Variants in CAMSAP3 observed in about 807,000 individuals in gnomAD.
The protein encoded by CAMSAP3 is calmodulin regulated spectrin associated protein family member 3.
CAMSAP3 carries 34 observed loss-of-function variants against 112.5 expected under a neutral mutation model. That is an observed-to-expected ratio of 0.30 (90% CI 0.23 to 0.40). CAMSAP3 has a LOEUF of 0.40. Ranked by LOEUF, CAMSAP3 falls within the 10% of genes least tolerant of loss-of-function variation. CAMSAP3 has a pLI of 1.00. For missense variants in CAMSAP3, 1,602 were observed against 1,770.3 expected, an observed-to-expected ratio of 0.90 and a Z score of 1.71; for synonymous variants, 868 against 799.8, an observed-to-expected ratio of 1.09 and a Z score of -1.44.
At chr19:7,602,783 T>G (rs2030025851) in intron 1 of CAMSAP3, among the ~76,000 whole-genome samples, 1 of 151,498 alleles carries the variant, frequency 6.6e-6, no homozygotes, top group African/African-American at 2.4e-5. Context: ...GAGACGCCTG[T>G]GGGAGGAAGG....
At chr19:7,609,264 G>C (rs544872820) in intron 5 of CAMSAP3, among the ~76,000 whole-genome samples, 9 of 148,750 alleles carry the variant, frequency 6.1e-5, no homozygotes, top group African/African-American at 2.2e-4. Context: ...GTTGCAGTGA[G>C]TCAAGACCAT....
intron 4 of CAMSAP3, chr19:7,606,864 G>A: frequency 6.3e-7 from 1 of 1,584,180 alleles, no homozygotes; most frequent in South Asian, 1.1e-5. Context: ...AGCTCTGTCT[G>A]TCTGTATGTC....
chr19:7,596,593 AC>A (rs950424679), intron 1 of CAMSAP3, among the ~76,000 whole-genome samples: 1 of 151,124 alleles, frequency 6.6e-6, no homozygotes, highest in African/African-American at 2.4e-5. Context: ...CACCCTGGAG[AC>A]CCAGACCCCG....
Position 7,610,446 on chromosome 19 carries a change from G to A in CAMSAP3, c.761-30G>A. The A allele has an allele frequency of 2.5e-6, 4 of 1,589,974 alleles. No individual in the cohort carries two copies. The South Asian group carries it at 4.6e-5, about 18-fold the overall frequency. On this transcript the variant is annotated intron_variant, in intron 5 of 16. Coordinates refer to ENST00000160298, the MANE Select transcript of CAMSAP3 (RefSeq NM_020902.2). This position sits in a 1 kb window ranked among gnomAD's most constrained non-coding sequence, Gnocchi z 4.9. ...GGGGCCCCATCCTCCTCCTCATAGA[G>A]TTGGGGACCCACTCCTCCTGTCCCC...
rs748870822 is a variant in CAMSAP3 at position 7,606,464 on chromosome 19, C to G, written c.526-12C>G. On this transcript the variant is annotated splice_polypyrimidine_tract_variant and intron_variant, in intron 3 of 16. Coordinates refer to ENST00000160298, the MANE Select transcript of CAMSAP3 (RefSeq NM_020902.2). ...CAGTGGCCAGACCACTGACCCCCTC[C>G]CTGCCCTCCAGACCGTCCGGCGGCT... is the stretch of plus-strand genomic sequence containing the variant. 4.4e-6 allele frequency: 7 copies of G among 1,604,850 alleles called. No homozygotes were observed. Among genetic ancestry groups the G allele is most frequent in the Non-Finnish European group, 5.9e-6 (7 of 1,179,000 alleles).
Position 7,607,786 on chromosome 19 carries a change from CT to C in CAMSAP3, c.622-339del. The stretch of plus-strand genomic sequence containing the variant: ...TTGGGGGCCCAGCAGGTCAGCACCC[CT>C]CCCCCTTGCTGATGGCTGCTCCTCT... On this transcript the variant is annotated intron_variant, in intron 4 of 16. Coordinates refer to ENST00000160298, the MANE Select transcript of CAMSAP3 (RefSeq NM_020902.2). The surrounding 1 kb of genome is among the most constrained non-coding windows in gnomAD (Gnocchi z 4.9). The C allele has an allele frequency of 3.4e-6, 3 of 884,554 alleles. No individual in the cohort carries two copies. The highest frequency in any genetic ancestry group is 5.2e-6 in the Non-Finnish European group (3 of 578,344). 54.8% of individuals were successfully genotyped at this position (884,554 alleles called of 1,614,324 possible).
Position 7,608,230 on chromosome 19 carries a change from C to G in CAMSAP3, c.726C>G (p.Ile242Met), listed in dbSNP as rs2030315566. 1 of 1,612,862 alleles carries G rather than the reference C, an allele frequency of 6.2e-7. No homozygotes were observed. Among genetic ancestry groups the G allele is most frequent in the East Asian group, 2.2e-5 (1 of 44,874 alleles). The change falls in exon 5 of 17, where the codon ATC (isoleucine) becomes ATG (methionine). Residue 242 changes from isoleucine (I) to methionine (M), a missense_variant. Transcript: ENST00000160298. ...GTGGGGCCGCGCTGGCCGCCACCAT[C>G]CACTGCTATTGTCCCCAGCTGCTTC... Reference protein sequence around the residue: ...LASGAALAATIHCYCPQLLRL... With the variant: ...LASGAALAATMHCYCPQLLRL...
At chr19:7,606,698 C>G in intron 4 of CAMSAP3, 127 bp downstream of exon 4, 2 of 1,593,196 alleles carry the variant, frequency 1.3e-6, no homozygotes, top group African/African-American at 2.7e-5. Context: ...CTTTCTTCCC[C>G]CCTCTCTCAA....
chr19:7,606,532 A>G lies in CAMSAP3; in HGVS notation c.582A>G (p.Pro194=). The G allele has an allele frequency of 6.4e-7, 1 of 1,557,188 alleles. No homozygotes were observed. Among genetic ancestry groups the G allele is most frequent in the Non-Finnish European group, 8.6e-7 (1 of 1,158,670 alleles). ...TEQEAAQRAS[P]AAPADGAAPA... ...AGGAAGCGGCCCAGCGAGCCTCTCC[A>G]GCAGCCCCTGCAGACGGGGCGGCCC... Residue 194 remains proline, a synonymous_variant, in exon 4 of 17, where the codon CCA becomes CCG. Coordinates refer to ENST00000160298, the MANE Select transcript of CAMSAP3 (RefSeq NM_020902.2).
chr19:7,606,167 C>CCCAA, intron 2 of CAMSAP3, 104 bp from the exon 3 acceptor site: 2 of 841,176 alleles, frequency 2.4e-6, no homozygotes, highest in Non-Finnish European at 3.5e-6. Flanking sequence ...CCCCCCCCGT[C>CCCAA]AAGTCCCTCC....
chr19:7,616,471 T>G, intron 13 of CAMSAP3, 52 bp from the exon 14 acceptor site: 1 of 1,285,822 alleles, frequency 7.8e-7, no homozygotes. Flanking sequence ...GACCGGGTGT[T>G]GTGGAGGGCA....
intron 1 of CAMSAP3, among the ~76,000 whole-genome samples, chr19:7,598,580 G>C (rs1445403918): frequency 1.3e-5 from 2 of 152,190 alleles, no homozygotes; most frequent in African/African-American, 4.8e-5. Context: ...GATTAGATAA[G>C]AAAGGGTTCC....
In CAMSAP3 at chr19:7,617,195, G is replaced by A; in HGVS notation, c.3213-131G>A. 1 of 708,476 alleles carries A rather than the reference G, an allele frequency of 1.4e-6. No individual in the cohort carries two copies. The highest frequency in any genetic ancestry group is 2.5e-6 in the Non-Finnish European group (1 of 395,272). 43.9% of individuals were successfully genotyped at this position (708,476 alleles called of 1,614,324 possible). Reference sequence around the variant, plus strand: ...GCCTCCCGAAGTGCTGGGATTACAGGCATGAGCCACGATGCCCAGCCGTGG... The same window carrying A: ...GCCTCCCGAAGTGCTGGGATTACAGACATGAGCCACGATGCCCAGCCGTGG... On this transcript the variant is annotated intron_variant, in intron 14 of 16. Coordinates refer to ENST00000160298, the MANE Select transcript of CAMSAP3 (RefSeq NM_020902.2). The surrounding 1 kb of genome is among the most constrained non-coding windows in gnomAD (Gnocchi z 7.5).
intron 1 of CAMSAP3, among the ~76,000 whole-genome samples, chr19:7,604,782 C>T (rs1279687686): frequency 6.6e-6 from 1 of 152,170 alleles, no homozygotes; most frequent in Non-Finnish European, 1.5e-5. Context: ...ATGGGGGTTG[C>T]CAATTGGGCC....
intron 1 of CAMSAP3, 42 bp from the exon 2 acceptor site, chr19:7,605,184 T>G: frequency 1.0e-6 from 1 of 960,612 alleles, no homozygotes; most frequent in Non-Finnish European, 1.4e-6. Context: ...GTGTTGTATC[T>G]GGTGACCCTG....
intron 1 of CAMSAP3, 66 bp from the exon 2 acceptor site, chr19:7,605,160 G>GTT: frequency 9.6e-7 from 1 of 1,039,578 alleles, no homozygotes; most frequent in Non-Finnish European, 1.4e-6. Context: ...GTGTGTGTGT[G>GTT]TGTGTGTGTG....
intron 13 of CAMSAP3, 68 bp from the exon 14 acceptor site, chr19:7,616,455 C>A: frequency 8.9e-7 from 1 of 1,125,974 alleles, no homozygotes; most frequent in Non-Finnish European, 1.4e-6. Flanking sequence ...CCCCCACAGC[C>A]TGCTGGACCG....
chr19:7,611,583 T>G lies in CAMSAP3; in HGVS notation c.1190T>G (p.Leu397Arg). ...EALGKAWNRQ[L>R]SRPLSQAVSF... ...CTGGGCAAGGCCTGGAACCGGCAGC[T>G]CAGGTGAGTAGACCTCACAGGCCAG... The change falls in exon 10 of 17, where the codon CTC (leucine) becomes CGC (arginine). Residue 397 changes from leucine to arginine, a missense_variant. Physicochemically the swap from Leu to Arg is moderately radical, Grantham distance 102. Transcript: ENST00000160298. The surrounding 1 kb of genome is among the most constrained non-coding windows in gnomAD (Gnocchi z 6.9). 3.1e-6 allele frequency: 5 copies of G among 1,612,128 alleles called. No individual in the cohort carries two copies. The highest frequency in any genetic ancestry group is 4.2e-6 in the Non-Finnish European group (5 of 1,179,622).
At position 7,611,382 on chromosome 19, in the gene CAMSAP3, C is replaced by T. The variant is rs1000742791; in HGVS notation, c.1124-135C>T. ...GCCCCGGGTATCTGTTTCTGGAAAC[C>T]TCTGGTCTCACTAGACCACATAATG... On this transcript the variant is annotated intron_variant, in intron 9 of 16. Transcript: ENST00000160298. This position sits in a 1 kb window ranked among gnomAD's most constrained non-coding sequence, Gnocchi z 6.9. 2 of 950,430 alleles carry T rather than the reference C, an allele frequency of 2.1e-6. No homozygotes were observed. The highest frequency in any genetic ancestry group is 1.6e-6 in the Non-Finnish European group (1 of 638,362). The allele number at this position is 950,430 out of a possible 1,614,324, so 58.9% of individuals were successfully genotyped here. A position where few individuals can be genotyped will look rare whatever the true frequency, so the allele number is the denominator to read the frequency against.
Sources: gnomAD v4.1 joint callset for allele counts (sites outside exome capture counted in the v4.1 genomes callset) on GRCh38, gnomAD v4.1.1 for gene constraint, Gnocchi (gnomAD v3.1) non-coding constraint, MANE v1.5 for transcripts, NCBI Gene and HGNC (gene_info 2026-07-23, HGNC 2026-07-21) for gene names.